CMSS1: variants seen among roughly 807,000 people sequenced by gnomAD.
CMSS1 encodes the protein protein CMSS1.
Under a neutral mutation model 43.5 loss-of-function variants are expected in CMSS1, and 33 were observed. That is an observed-to-expected ratio of 0.76 (90% CI 0.57 to 1.01). The LOEUF is 1.01. CMSS1 is among the 50% of genes least tolerant of loss of function. CMSS1 has a pLI of 0.00. For synonymous variants in CMSS1, 115 were observed against 117.2 expected (o/e 0.98, Z 0.12); for missense variants, 313 against 326.4 (o/e 0.96, Z 0.32).
At chr3:99,983,480 A>ATG (rs1559713756) in intron 1 of CMSS1, among the ~76,000 whole-genome samples, 8 of 22,504 alleles carry the variant, frequency 3.6e-4, no homozygotes, top group African/African-American at 1.0e-3. Context: ...ATATATATAT[A>ATG]TATATATATA....
At chr3:100,087,567 TTTTG>T (rs1458503915) in intron 1 of CMSS1, among the ~76,000 whole-genome samples, 2 of 152,202 alleles carry the variant, frequency 1.3e-5, no homozygotes, top group African/African-American at 4.8e-5. Context: ...CTTTTGCTTT[TTTTG>T]TTTAATTGTT....
Position 100,162,360 on chromosome 3 carries a change from C to A in CMSS1, c.283C>A (p.Leu95Ile), listed in dbSNP as rs2067031412. 6.2e-7 allele frequency: 1 copy of A among 1,613,580 alleles called. No individual in the cohort carries two copies. The highest frequency in any genetic ancestry group is 2.2e-5 in the East Asian group (1 of 44,874). Residue 95 changes from leucine (L) to isoleucine (I), a missense_variant, in exon 4 of 10, where the codon CTA becomes ATA. By Grantham distance (5) the Leu-to-Ile change is conservative. Coordinates refer to ENST00000421999, the MANE Select transcript of CMSS1 (RefSeq NM_032359.4). ...ACCAAAACCAGGGTTACCTGAAGACCTACAGAAGCTGATGAAGGACTATTA... is the reference window on the plus strand; with the variant it reads ...ACCAAAACCAGGGTTACCTGAAGACATACAGAAGCTGATGAAGGACTATTA... ...SEPKPGLPED[L>I]QKLMKDYYSS...
At chr3:100,019,518 T>G (rs967170972) in intron 1 of CMSS1, among the ~76,000 whole-genome samples, 1 of 152,222 alleles carries the variant, frequency 6.6e-6, no homozygotes, top group Non-Finnish European at 1.5e-5. Flanking sequence ...TCTAAAAAGA[T>G]TTTTAAAGTA....
chr3:100,112,007 T>C (rs2066499563), intron 1 of CMSS1, among the ~76,000 whole-genome samples: 1 of 152,208 alleles, frequency 6.6e-6, no homozygotes, highest in South Asian at 2.1e-4. Context: ...TTCACTGTTA[T>C]AATCCCAATA....
At chr3:100,165,006 A>C (rs910821976) in intron 4 of CMSS1, among the ~76,000 whole-genome samples, 3 of 152,168 alleles carry the variant, frequency 2.0e-5, no homozygotes, top group African/African-American at 7.2e-5. Context: ...CTGCAGTGTG[A>C]TTTAGATTAG....
chr3:100,001,720 A>T (rs16841874), intron 1 of CMSS1, among the ~76,000 whole-genome samples: 2 of 151,904 alleles, frequency 1.3e-5, no homozygotes, highest in Non-Finnish European at 2.9e-5. Context: ...GATGTGGCCA[A>T]GGTTTTCAAA....
chr3:100,063,036 G>C (rs2065601439), intron 1 of CMSS1, among the ~76,000 whole-genome samples: 1 of 152,230 alleles, frequency 6.6e-6, no homozygotes, highest in Non-Finnish European at 1.5e-5. Flanking sequence ...GCATCCTCAA[G>C]ATGGCATTTG....
At chr3:100,110,476 C>A (rs2315840) in intron 1 of CMSS1, among the ~76,000 whole-genome samples, 7,848 of 152,146 alleles carry the variant, frequency 0.052, 328 homozygotes, top group East Asian at 0.13. Flanking sequence ...ATGAAGATAC[C>A]TGTCATCCAT....
At chr3:99,884,996 T>C (rs1195605992) in intron 1 of CMSS1, among the ~76,000 whole-genome samples, 10 of 152,310 alleles carry the variant, frequency 6.6e-5, no homozygotes, top group African/African-American at 1.4e-4. Flanking sequence ...GTGGGGAAAA[T>C]TGTGCTACGA....
At chr3:99,966,321 A>G (rs1708650302) in intron 1 of CMSS1, among the ~76,000 whole-genome samples, 4 of 152,150 alleles carry the variant, frequency 2.6e-5, no homozygotes, top group Non-Finnish European at 4.4e-5. Flanking sequence ...CACCACCAGT[A>G]GCCCTTCCTT....
intron 2 of CMSS1, among the ~76,000 whole-genome samples, chr3:100,154,020 T>C (rs2107521353): frequency 6.6e-6 from 1 of 152,136 alleles, no homozygotes; most frequent in East Asian, 1.9e-4. Flanking sequence ...CTGGCCAATT[T>C]TTGTATTTTT....
chr3:100,067,518 T>C (rs1447931755), intron 1 of CMSS1, among the ~76,000 whole-genome samples: 2 of 152,190 alleles, frequency 1.3e-5, no homozygotes, highest in Non-Finnish European at 2.9e-5. Context: ...CTGACAAAAT[T>C]CACTTCATCT....
At chr3:99,885,697 C>T (rs1426717024) in intron 1 of CMSS1, among the ~76,000 whole-genome samples, 1 of 152,186 alleles carries the variant, frequency 6.6e-6, no homozygotes, top group Non-Finnish European at 1.5e-5. Flanking sequence ...TTTGTGGCTA[C>T]TATGTGTTGA....
intron 1 of CMSS1, among the ~76,000 whole-genome samples, chr3:99,940,127 C>G (rs1235375155): frequency 6.6e-6 from 1 of 152,138 alleles, no homozygotes; most frequent in South Asian, 2.1e-4. Flanking sequence ...AGTGATTTAT[C>G]CAAGTTTTCC....
intron 1 of CMSS1, among the ~76,000 whole-genome samples, chr3:100,090,543 G>A (rs1285522956): frequency 1.3e-5 from 2 of 152,310 alleles, no homozygotes; most frequent in African/African-American, 4.8e-5. Flanking sequence ...CCAGTGGTAG[G>A]TTATGAAACT....
Position 100,181,183 on chromosome 3 carries a change from G to A in CMSS1, c.*2795G>A, listed in dbSNP as rs553389295. 6.6e-5 allele frequency: 10 copies of A among 152,210 alleles called. No homozygotes were observed. Among genetic ancestry groups the A allele is most frequent in the Non-Finnish European group, 1.3e-4 (9 of 68,044 alleles). 9.4% of individuals were successfully genotyped at this position (152,210 alleles called of 1,614,324 possible). On this transcript the variant is annotated 3_prime_UTR_variant, in exon 10 of 10. Transcript: ENST00000421999. ...CAATTCGACATGAAACTTGGGTGGGGACACAGCCAAACCACATCAGCAGGG... is the reference window on the plus strand; with the variant it reads ...CAATTCGACATGAAACTTGGGTGGGAACACAGCCAAACCACATCAGCAGGG...
intron 2 of CMSS1, chr3:100,159,797 A>G (rs2067007152): frequency 9.7e-6 from 4 of 410,566 alleles, no homozygotes; most frequent in South Asian, 7.1e-5. Flanking sequence ...GGTCAAGGCA[A>G]CAGGCAAAAC....
chr3:99,906,406 T>A (rs1260292018), intron 1 of CMSS1, among the ~76,000 whole-genome samples: 1 of 152,232 alleles, frequency 6.6e-6, no homozygotes, highest in Admixed American at 6.5e-5. Context: ...TTATAGGAGT[T>A]GTTCATATAT....
chr3:99,837,963 G>A (rs1034393916), intron 1 of CMSS1, among the ~76,000 whole-genome samples: 1 of 152,188 alleles, frequency 6.6e-6, no homozygotes, highest in African/African-American at 2.4e-5. Flanking sequence ...AAGCTCAGAT[G>A]TGCATGGTTG....
Sources: gnomAD v4.1 joint callset for allele counts (sites outside exome capture counted in the v4.1 genomes callset) on GRCh38, gnomAD v4.1.1 for gene constraint, MANE v1.5 for transcripts, NCBI Gene and HGNC (gene_info 2026-07-23, HGNC 2026-07-21) for gene names.